LRRC75A: variants seen among roughly 807,000 people sequenced by gnomAD.
The protein encoded by LRRC75A is leucine-rich repeat-containing protein 75A.
Under a neutral mutation model 26.0 loss-of-function variants are expected in LRRC75A, and 12 were observed. That is an observed-to-expected ratio of 0.46 (90% CI 0.30 to 0.75). The LOEUF (loss-of-function observed/expected upper bound fraction) is 0.75. Ranked by LOEUF, LRRC75A falls within the 30% of genes least tolerant of loss-of-function variation. The pLI, the probability that LRRC75A is intolerant of heterozygous loss-of-function variation, is 0.08. For synonymous variants in LRRC75A, 223 were observed against 219.3 expected, an observed-to-expected ratio of 1.02 and a Z score of -0.15; for missense variants, 410 against 486.6, an observed-to-expected ratio of 0.84 and a Z score of 1.48.
intron 1 of LRRC75A, among the ~76,000 whole-genome samples, chr17:16,482,077 C>G (rs994325021): frequency 2.0e-5 from 3 of 152,178 alleles, no homozygotes; most frequent in African/African-American, 7.2e-5. Context: ...GGGCCCTTAC[C>G]TGCCCCCGGT....
intron 3 of LRRC75A, chr17:16,446,947 CG>C: frequency 3.6e-6 from 1 of 275,694 alleles, no homozygotes; most frequent in Non-Finnish European, 6.8e-6. Flanking sequence ...GGGTGGGGGG[CG>C]GGTCCAGAAC....
At chr17:16,460,387 C>G (rs894868894) in intron 2 of LRRC75A, among the ~76,000 whole-genome samples, 6 of 152,236 alleles carry the variant, frequency 3.9e-5, no homozygotes, top group African/African-American at 1.2e-4. Context: ...CCCGCCCCTC[C>G]TCCTGGCCTT....
intron 1 of LRRC75A, among the ~76,000 whole-genome samples, chr17:16,488,705 T>C (rs2093851677): frequency 6.6e-6 from 1 of 152,162 alleles, no homozygotes; most frequent in African/African-American, 2.4e-5. Flanking sequence ...GGGAAGGGGA[T>C]TACTTTCTGT....
chr17:16,484,702 A>G (rs1462888545), intron 1 of LRRC75A, among the ~76,000 whole-genome samples: 1 of 152,110 alleles, frequency 6.6e-6, no homozygotes, highest in African/African-American at 2.4e-5. Flanking sequence ...AAACAGAGAC[A>G]CAAAGAAAAG....
At chr17:16,456,303 GGAGGAGGAGGAAGAGGAGAAGAAGGAA>G (rs2093682179) in intron 2 of LRRC75A, among the ~76,000 whole-genome samples, 1 of 117,298 alleles carries the variant, frequency 8.5e-6, no homozygotes, top group African/African-American at 3.5e-5. Context: ...AGAAGGAAGA[GGAGGAGGAGGAAGAGGAGAAGAAGGAA>G]GAGGAGGAGG....
intron 1 of LRRC75A, among the ~76,000 whole-genome samples, chr17:16,489,617 T>C (rs1416130383): frequency 6.6e-6 from 1 of 152,102 alleles, no homozygotes; most frequent in East Asian, 1.9e-4. Flanking sequence ...GGCCTCAGGG[T>C]CCTAGAAAGC....
chr17:16,482,934 G>A (rs900120280), intron 1 of LRRC75A, among the ~76,000 whole-genome samples: 20 of 152,338 alleles, frequency 1.3e-4, no homozygotes, highest in South Asian at 6.2e-4. Flanking sequence ...CCTGAAGCTC[G>A]GCTGGGGCTG....
intron 2 of LRRC75A, among the ~76,000 whole-genome samples, chr17:16,458,611 A>G (rs2093703764): frequency 6.6e-6 from 1 of 152,012 alleles, no homozygotes; most frequent in Admixed American, 6.5e-5. Context: ...GATTATAGGC[A>G]TGCGCCACCA....
chr17:16,442,641 T>C lies in LRRC75A; in HGVS notation c.*947A>G, dbSNP rs1423066266. On this transcript the variant is annotated 3_prime_UTR_variant, in exon 4 of 4. Coordinates refer to ENST00000470794, the MANE Select transcript of LRRC75A (RefSeq NM_001113567.3). ...ATTGGACTCCTTCATTGTCCTAGGTTTTTAAGGTTTTAAAGCCCACCTTCT... is the reference window on the plus strand; with the variant it reads ...ATTGGACTCCTTCATTGTCCTAGGTCTTTAAGGTTTTAAAGCCCACCTTCT... 6.6e-6 allele frequency: 1 copy of C among 152,232 alleles called. No individual in the cohort carries two copies. The highest frequency in any genetic ancestry group is 1.5e-5 in the Non-Finnish European group (1 of 68,064). The allele number at this position is 152,232 out of a possible 1,614,324, so 9.4% of individuals were successfully genotyped here. A position where few individuals can be genotyped will look rare whatever the true frequency, so the allele number is the denominator to read the frequency against.
At chr17:16,459,970 C>T (rs887642924) in intron 2 of LRRC75A, among the ~76,000 whole-genome samples, 1 of 152,178 alleles carries the variant, frequency 6.6e-6, no homozygotes, top group East Asian at 1.9e-4. Flanking sequence ...GAAGGTTACA[C>T]CATGCAATGG....
rs61738496 is a variant in LRRC75A at position 16,462,260 on chromosome 17, G to C, written c.373C>G (p.Pro125Ala). The part of the protein sequence containing the change: ...SLARYIHCPK[P>A]EGDALGAMEK... ...GGCTCGGACCACAGCCACCCTACCGGCTTGGGACAGTGGATGTAGCGTGCC... is the reference window on the plus strand; with the variant it reads ...GGCTCGGACCACAGCCACCCTACCGCCTTGGGACAGTGGATGTAGCGTGCC... Residue 125 changes from proline (P) to alanine (A), a missense_variant and splice_region_variant, in exon 2 of 4, where the codon CCG (proline) becomes GCG (alanine). Transcript: ENST00000470794. The surrounding 1 kb of genome is among the most constrained non-coding windows in gnomAD (Gnocchi z 4.6). 6.2e-7 allele frequency: 1 copy of C among 1,613,930 alleles called. No homozygotes were observed. The highest frequency in any genetic ancestry group is 1.3e-5 in the African/African-American group (1 of 74,924).
intron 2 of LRRC75A, among the ~76,000 whole-genome samples, chr17:16,452,016 G>A (rs1225871259): frequency 6.7e-6 from 1 of 149,680 alleles, no homozygotes; most frequent in East Asian, 2.0e-4. Flanking sequence ...CATTACAGGC[G>A]TTAGCCACCG....
Position 16,462,239 on chromosome 17 carries a change from C to G in LRRC75A, c.375+19G>C. 1 of 1,613,706 alleles carries G rather than the reference C, an allele frequency of 6.2e-7. No homozygotes were observed. The highest frequency in any genetic ancestry group is 1.7e-5 in the Admixed American group (1 of 59,996). Reference sequence around the variant, plus strand: ...CGCACACCCCGGGACCTGGCTGGCTCGGACCACAGCCACCCTACCGGCTTG... The same window carrying G: ...CGCACACCCCGGGACCTGGCTGGCTGGGACCACAGCCACCCTACCGGCTTG... On this transcript the variant is annotated intron_variant, in intron 2 of 3. Coordinates refer to ENST00000470794, the MANE Select transcript of LRRC75A (RefSeq NM_001113567.3). This position sits in a 1 kb window ranked among gnomAD's most constrained non-coding sequence, Gnocchi z 4.6.
chr17:16,482,791 C>T (rs2093837619), intron 1 of LRRC75A, among the ~76,000 whole-genome samples: 2 of 152,232 alleles, frequency 1.3e-5, no homozygotes, highest in Admixed American at 6.5e-5. Flanking sequence ...TCTTGGCCGG[C>T]CCTGCTTTCC....
chr17:16,485,144 A>G (rs1162039619), intron 1 of LRRC75A, among the ~76,000 whole-genome samples: 1 of 152,040 alleles, frequency 6.6e-6, no homozygotes, highest in Non-Finnish European at 1.5e-5. Flanking sequence ...TGAGTCCAAG[A>G]CGCAGCAACC....
In LRRC75A at chr17:16,491,636, GCGGTGCCCCT is replaced by G. The variant is rs1052170055; in HGVS notation, c.246+99_246+108del. 1.2e-4 allele frequency: 95 copies of G among 794,172 alleles called. No homozygotes were observed. Among genetic ancestry groups the G allele is most frequent in the Non-Finnish European group, 1.6e-4 (94 of 594,960 alleles). The allele number at this position is 794,172 out of a possible 1,614,324, so 49.2% of individuals were successfully genotyped here. On this transcript the variant is annotated intron_variant, in intron 1 of 3. Coordinates refer to ENST00000470794, the MANE Select transcript of LRRC75A (RefSeq NM_001113567.3). The surrounding 1 kb of genome is among the most constrained non-coding windows in gnomAD (Gnocchi z 5.9). ...CCATCCCCGCGGAAGGGGCCCCTGGGCGGTGCCCCTCGGTGCCCCCGGCTTCCTCGGTTAG... is the reference window on the plus strand; with the variant it reads ...CCATCCCCGCGGAAGGGGCCCCTGGGCGGTGCCCCCGGCTTCCTCGGTTAG...
chr17:16,452,730 G>A (rs1251467988), intron 2 of LRRC75A, among the ~76,000 whole-genome samples: 2 of 151,994 alleles, frequency 1.3e-5, no homozygotes, highest in African/African-American at 4.8e-5. Context: ...CACCCTGCCT[G>A]GCCACACGGG....
chr17:16,459,021 C>T (rs966156569), intron 2 of LRRC75A, among the ~76,000 whole-genome samples: 1 of 152,224 alleles, frequency 6.6e-6, no homozygotes, highest in Non-Finnish European at 1.5e-5. Flanking sequence ...TCCTGTGAAA[C>T]AACTTCCTAC....
chr17:16,475,476 C>T (rs545939966), intron 1 of LRRC75A, among the ~76,000 whole-genome samples: 2 of 152,272 alleles, frequency 1.3e-5, no homozygotes, highest in East Asian at 3.9e-4. Flanking sequence ...TTTCTTCTTC[C>T]TCAGGGACCT....
Sources: gnomAD v4.1 joint callset for allele counts (sites outside exome capture counted in the v4.1 genomes callset) on GRCh38, gnomAD v4.1.1 for gene constraint, Gnocchi (gnomAD v3.1) non-coding constraint, MANE v1.5 for transcripts, NCBI Gene and HGNC (gene_info 2026-07-23, HGNC 2026-07-21) for gene names.